Variants in MYH4 observed in about 807,000 individuals in gnomAD.
MYH4 encodes the protein myosin heavy chain 4, also known as myosin-4.
Under a neutral mutation model 229.9 loss-of-function variants are expected in MYH4, and 200 were observed. That is an observed-to-expected ratio of 0.87 (90% CI 0.78 to 0.98). The LOEUF (loss-of-function observed/expected upper bound fraction) is 0.98. Ranked by LOEUF, MYH4 falls within the 50% of genes least tolerant of loss-of-function variation. The pLI, the probability that MYH4 is intolerant of heterozygous loss-of-function variation, is 0.00. For missense variants in MYH4, 2,148 were observed against 2,332.6 expected (o/e 0.92, Z 1.63); for synonymous variants, 761 against 834.6 (o/e 0.91, Z 1.52).
chr17:10,465,696 G>C (rs2072756381), intron 4 of MYH4, 98 bp from the exon 5 acceptor site: 1 of 1,385,342 alleles, frequency 7.2e-7, no homozygotes, highest in Non-Finnish European at 9.8e-7. Flanking sequence ...TAAGTACTGT[G>C]TTAGTTCTCA....
At chr17:10,451,582 C>G in intron 27 of MYH4, 130 bp from the exon 28 acceptor site, 1 of 1,025,178 alleles carries the variant, frequency 9.8e-7, no homozygotes. Flanking sequence ...TGCATGGTGG[C>G]TATAAAGTAG....
At chr17:10,455,384 AGATT>A in intron 19 of MYH4, 89 bp from the exon 20 acceptor site, 1 of 1,448,150 alleles carries the variant, frequency 6.9e-7, no homozygotes, top group East Asian at 2.3e-5. Flanking sequence ...AAAAGATGAT[AGATT>A]AAGTTTTGGT....
Position 10,459,301 on chromosome 17 carries a change from A to G in MYH4, c.1537T>C (p.Phe513Leu). The change falls in exon 15 of 40, where the codon TTC (phenylalanine) becomes CTC (leucine). Residue 513 changes from phenylalanine to leucine, a missense_variant. By Grantham distance (22) the Phe-to-Leu change is conservative (BLOSUM62 0). Transcript: ENST00000255381. Reference protein sequence around the residue: ...EYKKEGIEWEFIDFGMDLAAC... With the variant: ...EYKKEGIEWELIDFGMDLAAC... ...GCCAGGTCCATCCCGAAGTCAATGA[A>G]CTCCCACTCGATGCCTTCCTTCTTG... is the stretch of plus-strand genomic sequence containing the variant. The G allele has an allele frequency of 6.2e-7, 1 of 1,613,726 alleles. No individual in the cohort carries two copies. The highest frequency in any genetic ancestry group is 8.5e-7 in the Non-Finnish European group (1 of 1,179,976).
At chr17:10,461,313 CAGGA>C (rs2072699144) in intron 11 of MYH4, among the ~76,000 whole-genome samples, 2 of 152,092 alleles carry the variant, frequency 1.3e-5, no homozygotes, top group African/African-American at 4.8e-5. Flanking sequence ...CTCACTGAAC[CAGGA>C]CTAAGAGCCA....
chr17:10,465,305 A>G (rs2072749518), intron 5 of MYH4, 137 bp downstream of exon 5: 3 of 1,221,070 alleles, frequency 2.5e-6, no homozygotes, highest in Non-Finnish European at 2.3e-6. Flanking sequence ...TATTCTAAAT[A>G]TATTTCCCTA....
At chr17:10,462,063 T>C (rs1302089912) in intron 11 of MYH4, among the ~76,000 whole-genome samples, 4 of 152,178 alleles carry the variant, frequency 2.6e-5, no homozygotes, top group African/African-American at 9.7e-5. Context: ...ATATTTATAA[T>C]ATAAAGCCAC....
At chr17:10,445,433 T>C (rs2072501562) in intron 35 of MYH4, 71 bp from the exon 36 acceptor site, 2 of 1,560,182 alleles carry the variant, frequency 1.3e-6, no homozygotes, top group Admixed American at 1.9e-5. Flanking sequence ...TTTTACCTAG[T>C]GTACACAGGC....
rs201415290 is a variant in MYH4, at chr17:10,448,584, C to T, written c.4531+34G>A. ...GAAAAATTGAAAAGATGTCTCCCTA[C>T]CATTTTTGAAATAGAATGATTACAG... On this transcript the variant is annotated intron_variant, in intron 32 of 39. Transcript: ENST00000255381. The T allele has an allele frequency of 7.8e-5, 126 of 1,610,460 alleles. No individual in the cohort carries two copies. In the South Asian group the frequency reaches 1.3e-3, roughly 17 times the overall value.
rs538880556 is a variant in MYH4 at position 10,466,693 on chromosome 17, C to CGGA, written c.50_52dup (p.Leu17dup). 616 of 1,614,142 alleles carry CGGA rather than the reference C, an allele frequency of 3.8e-4. 6 individuals carry two copies. Among genetic ancestry groups the CGGA allele is most frequent in the Non-Finnish European group, 6.9e-5 (81 of 1,180,048 alleles). On this transcript the variant is annotated inframe_insertion, in exon 3 of 40. Transcript: ENST00000255381. ...TTCAATTCGCTCCTTTTCAGACTTTCGGAGGAAAGGAGCAGCCTCCCCAAA... is the reference window on the plus strand; with the variant it reads ...TTCAATTCGCTCCTTTTCAGACTTTCGGAGGAGGAAAGGAGCAGCCTCCCCAAA...
rs11868518 is a variant in MYH4, at chr17:10,453,155, G to A, written c.3108C>T (p.Asp1036=). The change falls in exon 24 of 40, where the codon GAC becomes GAT. Residue 1036 remains aspartate (D), a synonymous_variant. Transcript: ENST00000255381. ...KAKTKLEQQV[D]DLEGSLEQEK... ...ACATTTTCTTTTTCACACTTACATC[G>A]TCCACTTGCTGTTCTAGCTTGGTTT... 3.7e-4 allele frequency: 590 copies of A among 1,613,936 alleles called. No homozygotes were observed. In the African/African-American group the frequency reaches 6.4e-3, roughly 17 times the overall value.
intron 39 of MYH4, among the ~76,000 whole-genome samples, chr17:10,444,102 G>C (rs1342511954): frequency 2.6e-5 from 4 of 152,088 alleles, no homozygotes; most frequent in Non-Finnish European, 5.9e-5. Context: ...AAAGTAGCAG[G>C]GATCTGAATT....
At position 10,444,977 on chromosome 17, in the gene MYH4, C is replaced by A; in HGVS notation, c.5465G>T (p.Arg1822Met). 1 of 1,614,122 alleles carries A rather than the reference C, an allele frequency of 6.2e-7. No homozygotes were observed. The highest frequency in any genetic ancestry group is 8.5e-7 in the Non-Finnish European group (1 of 1,180,018). ...TTGAGTGAAGTTGTGGAGACCTACC[C>A]TGGCCTCCAGTTTCTGGATCTGCTT... ...GKKQIQKLEA[R>M]VRELESEVES... is the part of the protein sequence containing the mutation. Residue 1822 changes from arginine to methionine, a missense_variant and splice_region_variant, in exon 37 of 40, where the codon AGG (arginine) becomes ATG (methionine). Coordinates refer to ENST00000255381, the MANE Select transcript of MYH4 (RefSeq NM_017533.2).
chr17:10,465,871 T>A (rs1436092564), intron 4 of MYH4, among the ~76,000 whole-genome samples: 3 of 138,022 alleles, frequency 2.2e-5, no homozygotes, highest in African/African-American at 5.4e-5. Context: ...GCCTCCCGGG[T>A]TCACGCCATT....
intron 21 of MYH4, 55 bp downstream of exon 21, chr17:10,454,886 C>T: frequency 1.9e-6 from 3 of 1,611,024 alleles, no homozygotes; most frequent in Non-Finnish European, 2.5e-6. Flanking sequence ...GTAATGACTG[C>T]AGTGGATTCA....
rs777434182 is a variant in MYH4, at chr17:10,448,902, A to T, written c.4327T>A (p.Cys1443Ser). ...MIDVERSNAA[C>S]IALDKKQRNF... ...CTTTGCTTCTTATCGAGAGCTATGC[A>T]GGCAGCATTAGATCGTTCCACATCA... The change falls in exon 31 of 40, where the codon TGC becomes AGC. Residue 1443 changes from cysteine (C) to serine (S), a missense_variant. Cys to Ser is a moderately radical substitution (Grantham distance 112, BLOSUM62 -1). Transcript: ENST00000255381. 1.1e-5 allele frequency: 18 copies of T among 1,614,150 alleles called. No homozygotes were observed. Among genetic ancestry groups the T allele is most frequent in the Non-Finnish European group, 1.4e-5 (16 of 1,180,010 alleles).
In MYH4 at chr17:10,457,462, T is replaced by C. The variant is rs770000733; in HGVS notation, c.1855A>G (p.Thr619Ala). Residue 619 changes from threonine to alanine, a missense_variant, in exon 16 of 40, where the codon ACT becomes GCT. Transcript: ENST00000255381. ...GCCCCAGAGAAGAGGAAAGCCAGAGTCTTCATTGCAGACTTCTGGTACAGC... is the reference window on the plus strand; with the variant it reads ...GCCCCAGAGAAGAGGAAAGCCAGAGCCTTCATTGCAGACTTCTGGTACAGC... ...VGLYQKSAMKTLAFLFSGAQT... is the reference protein window; with the variant it reads ...VGLYQKSAMKALAFLFSGAQT... 2.5e-6 allele frequency: 4 copies of C among 1,612,206 alleles called. No individual in the cohort carries two copies. Among genetic ancestry groups the C allele is most frequent in the Admixed American group, 3.3e-5 (2 of 59,906 alleles).
chr17:10,445,941 T>C (rs2072507424), intron 35 of MYH4, among the ~76,000 whole-genome samples: 1 of 138,362 alleles, frequency 7.2e-6, no homozygotes, highest in Admixed American at 8.3e-5. Flanking sequence ...GGCAGGAGAA[T>C]GGCGTGAACA....
Position 10,452,800 on chromosome 17 carries a change from C to T in MYH4, c.3244G>A (p.Glu1082Lys), listed in dbSNP as rs368049108. 3.4e-5 allele frequency: 54 copies of T among 1,603,126 alleles called. No homozygotes were observed. The highest frequency in any genetic ancestry group is 4.5e-5 in the Non-Finnish European group (53 of 1,177,772). ...DTENDKQQLN[E>K]KLKKKEFEMS... ...TACCATACTTACTTTTTGAGTTTCT[C>T]ATTAAGTTGCTGTTTGTCATTTTCT... The change falls in exon 25 of 40, where the codon GAG becomes AAG. Residue 1082 changes from glutamate (E) to lysine (K), a missense_variant. Transcript: ENST00000255381.
intron 23 of MYH4, 51 bp downstream of exon 23, chr17:10,453,592 C>T (rs2072602534): frequency 1.2e-6 from 2 of 1,612,282 alleles, no homozygotes; most frequent in Non-Finnish European, 1.7e-6. Context: ...AATTAAAATA[C>T]TTCAGTATCA....
Sources: allele counts gnomAD v4.1 joint callset (sites outside exome capture counted in the v4.1 genomes callset), GRCh38; gene constraint gnomAD v4.1.1; transcripts MANE v1.5; gene names NCBI Gene and HGNC (gene_info 2026-07-23, HGNC 2026-07-21).